The following THNSL1 variants were observed in gnomAD, a reference collection of about 807,000 sequenced individuals.
THNSL1 encodes the protein threonine synthase like 1.
A neutral mutation model predicts 50.4 loss-of-function variants in THNSL1; 48 were observed. That is an observed-to-expected ratio of 0.95 (90% CI 0.76 to 1.21). The LOEUF (loss-of-function observed/expected upper bound fraction) is 1.21, where lower values mean the gene tolerates loss of function less well. THNSL1 is among the 50% of genes most tolerant of loss of function. The pLI, the probability that THNSL1 is intolerant of heterozygous loss-of-function variation, is 0.00. For synonymous variants in THNSL1, 309 were observed against 306.1 expected, an observed-to-expected ratio of 1.01 and a Z score of -0.10; for missense variants, 896 against 871.7, an observed-to-expected ratio of 1.03 and a Z score of -0.35.
the THNSL1 span, chr10:24,984,873 T>A: frequency 6.2e-7 from 1 of 1,613,518 alleles, no homozygotes; most frequent in Non-Finnish European, 8.5e-7. Context: ...ACTGGAATTC[T>A]TTATGCACCT....
At chr10:24,985,626 A>G in the THNSL1 span, among the ~76,000 whole-genome samples, 1 of 152,248 alleles carries the variant, frequency 6.6e-6, no homozygotes, top group Admixed American at 6.5e-5. Context: ...ATCTCTTAGG[A>G]GCAATAAAAG....
Position 25,020,461 on chromosome 10 carries a change from G to A in THNSL1, c.-215-1281G>A, listed in dbSNP as rs1006298298. On this transcript the variant is annotated intron_variant, in intron 1 of 2. Coordinates refer to ENST00000376356, the MANE Select transcript of THNSL1 (RefSeq NM_024838.5). Reference sequence around the variant, plus strand: ...AGCATGGTAGCAAGCAATATAAAGCGGAAGAAAAGATGAAAGATTTACTGG... The same window carrying A: ...AGCATGGTAGCAAGCAATATAAAGCAGAAGAAAAGATGAAAGATTTACTGG... Among the ~76,000 whole-genome samples, 7 of 152,078 alleles carry A rather than the reference G, an allele frequency of 4.6e-5. No homozygotes were observed. In the South Asian group the frequency reaches 6.2e-4, roughly 14 times the overall value.
chr10:24,999,414 T>C, the THNSL1 span: 1 of 1,608,424 alleles, frequency 6.2e-7, no homozygotes, highest in Non-Finnish European at 8.5e-7. Context: ...GTGGTAGAGT[T>C]TTTTCCTTTG....
chr10:25,001,545 C>T, the THNSL1 span, among the ~76,000 whole-genome samples: 4 of 152,008 alleles, frequency 2.6e-5, no homozygotes, highest in Non-Finnish European at 4.4e-5. Context: ...TGATTCTCTG[C>T]TTTCTTTTTC....
chr10:25,005,217 AT>A, the THNSL1 span, among the ~76,000 whole-genome samples: 1 of 152,050 alleles, frequency 6.6e-6, no homozygotes, highest in Non-Finnish European at 1.5e-5. Context: ...TCTATTTTCT[AT>A]TTATTATTAG....
chr10:25,007,655 C>T, the THNSL1 span, among the ~76,000 whole-genome samples: 73 of 152,190 alleles, frequency 4.8e-4, 1 homozygote, highest in East Asian at 0.013. Flanking sequence ...AGGATGTTCT[C>T]GATCTCCTGA....
At chr10:24,965,509 A>T in the THNSL1 span, among the ~76,000 whole-genome samples, 5 of 152,192 alleles carry the variant, frequency 3.3e-5, no homozygotes, top group African/African-American at 9.7e-5. Flanking sequence ...TCAATTTCTT[A>T]CTACTTGAAA....
the THNSL1 span, among the ~76,000 whole-genome samples, chr10:25,007,583 C>T: frequency 2.0e-5 from 3 of 152,052 alleles, no homozygotes; most frequent in African/African-American, 4.8e-5. Context: ...TACAGGCGCC[C>T]GCCACCACAC....
the THNSL1 span, among the ~76,000 whole-genome samples, chr10:25,008,322 T>C: frequency 1.3e-5 from 2 of 152,224 alleles, no homozygotes; most frequent in Admixed American, 1.3e-4. Context: ...TTTTCCTTGA[T>C]TAAATTCTTG....
At chr10:25,002,896 G>A in the THNSL1 span, among the ~76,000 whole-genome samples, 1 of 151,078 alleles carries the variant, frequency 6.6e-6, no homozygotes, top group Non-Finnish European at 1.5e-5. Flanking sequence ...ATGGTCTCGT[G>A]ATTAATAAGA....
the THNSL1 span, among the ~76,000 whole-genome samples, chr10:25,006,604 C>T: frequency 5.9e-5 from 9 of 152,290 alleles, no homozygotes; most frequent in African/African-American, 1.9e-4. Context: ...CCTTACTTTT[C>T]TATCATAATT....
chr10:25,017,421 G>A (rs1228670123), intron 1 of THNSL1, among the ~76,000 whole-genome samples: 1 of 152,090 alleles, frequency 6.6e-6, no homozygotes, highest in African/African-American at 2.4e-5. Context: ...TCTGCCCGAA[G>A]GAAATAAAGC....
At position 25,024,924 on chromosome 10, in the gene THNSL1, C is replaced by A. The variant is rs780225347; in HGVS notation, c.1701C>A (p.Leu567=). ...AQTFSPSIDI[L]KSSNLERHLH... Reference sequence around the variant, plus strand: ...CCTTTTCACCGTCAATAGATATTCTCAAATCTTCAAACCTAGAACGACATT... The same window carrying A: ...CCTTTTCACCGTCAATAGATATTCTAAAATCTTCAAACCTAGAACGACATT... The change falls in exon 3 of 3, where the codon CTC becomes CTA. Residue 567 remains leucine, a synonymous_variant. Transcript: ENST00000376356. 3.1e-6 allele frequency: 5 copies of A among 1,613,874 alleles called. No homozygotes were observed. In the East Asian group the frequency reaches 1.1e-4, roughly 36 times the overall value.
Position 25,023,763 on chromosome 10 carries a change from AT to A in THNSL1, c.541del (p.Ser181LeufsTer2). The A allele has an allele frequency of 6.2e-7, 1 of 1,614,020 alleles. No individual in the cohort carries two copies. Among genetic ancestry groups the A allele is most frequent in the South Asian group, 1.1e-5 (1 of 91,048 alleles). ...DRIVGQNSGTSMKDLLKFRRQ... is the reference protein window; with the variant it reads ...DRIVGQNSGTXMKDLLKFRRQ... ...GGATTGTAGGTCAGAATTCTGGAAC[AT>A]CTATGAAAGACTTACTTAAATTTAG... On this transcript the variant is annotated frameshift_variant, in exon 3 of 3. Transcript: ENST00000376356. LOFTEE classifies it high-confidence loss of function.
the THNSL1 span, among the ~76,000 whole-genome samples, chr10:24,967,968 TATG>T: frequency 2.0e-5 from 3 of 150,328 alleles, no homozygotes. Context: ...TGTGTGTATG[TATG>T]ATGTGTGTGT....
chr10:25,017,988 T>A (rs1850641650), intron 1 of THNSL1, among the ~76,000 whole-genome samples: 1 of 152,230 alleles, frequency 6.6e-6, no homozygotes, highest in South Asian at 2.1e-4. Context: ...TTTGTGTTAA[T>A]CAGTTCCTGA....
At chr10:24,961,148 C>T in the THNSL1 span, among the ~76,000 whole-genome samples, 1 of 152,168 alleles carries the variant, frequency 6.6e-6, no homozygotes, top group African/African-American at 2.4e-5. Flanking sequence ...TGCCTTCTTC[C>T]AGTTTTGTGA....
the THNSL1 span, among the ~76,000 whole-genome samples, chr10:25,011,398 C>G: frequency 6.6e-6 from 1 of 152,038 alleles, no homozygotes; most frequent in South Asian, 2.1e-4. Flanking sequence ...TGTAGGTTGC[C>G]TATTCACTCT....
chr10:25,015,969 CACA>C, upstream of THNSL1: 1 of 1,589,948 alleles, frequency 6.3e-7, no homozygotes, highest in Non-Finnish European at 8.6e-7. Flanking sequence ...AGCTACTCTC[CACA>C]ACTTTTTTCT....
Sources: gnomAD v4.1 joint callset for allele counts (sites outside exome capture counted in the v4.1 genomes callset) on GRCh38, gnomAD v4.1.1 for gene constraint, MANE v1.5 for transcripts, NCBI Gene and HGNC (gene_info 2026-07-23, HGNC 2026-07-21) for gene names.